SVEP1: variants seen among roughly 807,000 people sequenced by gnomAD.
The protein encoded by SVEP1 is sushi, von Willebrand factor type A, EGF and pentraxin domain containing 1.
A neutral mutation model predicts 367.3 loss-of-function variants in SVEP1; 164 were observed. The observed-to-expected ratio is 0.45, with a 90% CI of 0.39 to 0.51. The LOEUF (loss-of-function observed/expected upper bound fraction) is 0.51, where lower values mean the gene tolerates loss of function less well. SVEP1 is among the 20% of genes least tolerant of loss of function. SVEP1 has a pLI of 0.00. For synonymous variants in SVEP1, 1,666 were observed against 1,611.6 expected (o/e 1.03, Z -0.81); for missense variants, 4,117 against 4,425.3 (o/e 0.93, Z 1.98).
chr9:110,459,883 T>C (rs1588064295), intron 18 of SVEP1, among the ~76,000 whole-genome samples: 1 of 152,228 alleles, frequency 6.6e-6, no homozygotes, highest in East Asian at 1.9e-4. Flanking sequence ...AGAAATTTTA[T>C]TTCTCCTGAA....
At chr9:110,538,817 C>T (rs1035086407) in intron 3 of SVEP1, among the ~76,000 whole-genome samples, 1 of 152,052 alleles carries the variant, frequency 6.6e-6, no homozygotes, top group Non-Finnish European at 1.5e-5. Flanking sequence ...AAATTCAGAA[C>T]AGCTGCAACT....
intron 27 of SVEP1, 135 bp from the exon 28 acceptor site, chr9:110,436,639 T>C (rs1277227681): frequency 1.9e-5 from 24 of 1,274,792 alleles, no homozygotes; most frequent in Non-Finnish European, 2.3e-5. Flanking sequence ...ATTCTGTAAA[T>C]TTACTGCAGG....
At chr9:110,537,163 T>C (rs1830089452) in intron 3 of SVEP1, among the ~76,000 whole-genome samples, 1 of 151,956 alleles carries the variant, frequency 6.6e-6, no homozygotes, top group African/African-American at 2.4e-5. Context: ...ACTCCAAGAA[T>C]TGAGTGACAT....
In SVEP1 at chr9:110,400,983, G is replaced by C; in HGVS notation, c.9693C>G (p.Phe3231Leu). 6.2e-7 allele frequency: 1 copy of C among 1,613,832 alleles called. No homozygotes were observed. The highest frequency in any genetic ancestry group is 8.5e-7 in the Non-Finnish European group (1 of 1,179,834). The change falls in exon 40 of 48, where the codon TTC (phenylalanine) becomes TTG (leucine). Residue 3231 changes from phenylalanine to leucine, a missense_variant. By Grantham distance (22) the Phe-to-Leu change is conservative. Coordinates refer to ENST00000374469, the MANE Select transcript of SVEP1 (RefSeq NM_153366.4). ...AAACTGGACTGCAAGATTCATCGGAGAATGGTGGCTCCCAGGTTCCATCAA... is the reference window on the plus strand; with the variant it reads ...AAACTGGACTGCAAGATTCATCGGACAATGGTGGCTCCCAGGTTCCATCAA... ...CQLDGTWEPP[F>L]SDESCSPVSC...
chr9:110,579,598 G>A lies in SVEP1; in HGVS notation c.-55C>T. ...GCGCAGGCGGCGGCTCGGGCGGGAA[G>A]AGGCGCTGGGCGGCCGGACTCGCAG... On this transcript the variant is annotated 5_prime_UTR_variant, in exon 1 of 48. Coordinates refer to ENST00000374469, the MANE Select transcript of SVEP1 (RefSeq NM_153366.4). The surrounding 1 kb of genome is among the most constrained non-coding windows in gnomAD (Gnocchi z 5.3). 6.7e-7 allele frequency: 1 copy of A among 1,490,946 alleles called. No individual in the cohort carries two copies. Among genetic ancestry groups the A allele is most frequent in the East Asian group, 2.7e-5 (1 of 37,428 alleles). 92.4% of individuals were successfully genotyped at this position (1,490,946 alleles called of 1,614,324 possible).
intron 9 of SVEP1, among the ~76,000 whole-genome samples, chr9:110,488,286 G>A (rs577194201): frequency 5.9e-5 from 9 of 152,266 alleles, no homozygotes; most frequent in African/African-American, 1.9e-4. Flanking sequence ...GAGGCTTTCA[G>A]AGTCCAGTTT....
intron 9 of SVEP1, among the ~76,000 whole-genome samples, chr9:110,487,430 C>T (rs151121263): frequency 7.8e-4 from 119 of 152,288 alleles, no homozygotes; most frequent in African/African-American, 2.7e-3. Context: ...ACATATTTTT[C>T]ATGCAAATGG....
intron 18 of SVEP1, among the ~76,000 whole-genome samples, chr9:110,461,892 A>T (rs1828863531): frequency 6.6e-6 from 1 of 152,218 alleles, no homozygotes; most frequent in Non-Finnish European, 1.5e-5. Flanking sequence ...TCAGAGTGCT[A>T]GGTAGAGCTC....
At chr9:110,564,306 T>C (rs1189176868) in intron 1 of SVEP1, among the ~76,000 whole-genome samples, 2 of 152,176 alleles carry the variant, frequency 1.3e-5, no homozygotes, top group Non-Finnish European at 2.9e-5. Context: ...TTCAAAGCTG[T>C]TAGAAAAGAA....
At chr9:110,510,736 G>A (rs1829697744) in intron 5 of SVEP1, among the ~76,000 whole-genome samples, 1 of 152,232 alleles carries the variant, frequency 6.6e-6, no homozygotes, top group African/African-American at 2.4e-5. Context: ...AGGCTACTGA[G>A]TGGCAAGTTA....
intron 5 of SVEP1, among the ~76,000 whole-genome samples, chr9:110,511,847 C>T (rs144545755): frequency 5.7e-4 from 87 of 152,068 alleles, no homozygotes; most frequent in African/African-American, 2.0e-3. Context: ...CAAGAAAAGA[C>T]CAGAAGACAG....
chr9:110,423,143 A>G (rs868165484), intron 36 of SVEP1, among the ~76,000 whole-genome samples: 1 of 137,288 alleles, frequency 7.3e-6, no homozygotes, highest in African/African-American at 2.8e-5. Context: ...TAATAAAAAA[A>G]AAATAAAAAA....
Position 110,436,452 on chromosome 9 carries a change from GA to G in SVEP1, c.4691del (p.Phe1564SerfsTer11). On this transcript the variant is annotated frameshift_variant, in exon 28 of 48. Transcript: ENST00000374469. LOFTEE classifies it high-confidence loss of function. ...AGCCCACAAAAGACTCAGCTGGGCT[GA>G]ATCCCTCTCCTTTTTTGTCTTGCTC... ...GQEQDKKGEG[F>X]SPAESFVGSI... The G allele has an allele frequency of 6.2e-7, 1 of 1,613,948 alleles. No homozygotes were observed. The highest frequency in any genetic ancestry group is 8.5e-7 in the Non-Finnish European group (1 of 1,179,856).
At chr9:110,531,699 T>C (rs1396829590) in intron 3 of SVEP1, among the ~76,000 whole-genome samples, 1 of 152,166 alleles carries the variant, frequency 6.6e-6, no homozygotes, top group African/African-American at 2.4e-5. Flanking sequence ...CAGCCACCTA[T>C]GGTAGAAATA....
chr9:110,485,247 T>C (rs555712135), intron 9 of SVEP1, among the ~76,000 whole-genome samples: 1 of 152,340 alleles, frequency 6.6e-6, no homozygotes, highest in Admixed American at 6.5e-5. Context: ...TGGAATACTA[T>C]GCAGTCATAA....
chr9:110,557,608 AGAGTTGTG>A (rs1028022416), intron 1 of SVEP1, among the ~76,000 whole-genome samples: 2 of 152,068 alleles, frequency 1.3e-5, no homozygotes, highest in Admixed American at 6.5e-5. Flanking sequence ...GAAGCCAGAT[AGAGTTGTG>A]GATTTTTATT....
intron 36 of SVEP1, among the ~76,000 whole-genome samples, chr9:110,423,215 T>G (rs1412462851): frequency 1.4e-5 from 2 of 147,078 alleles, no homozygotes; most frequent in Non-Finnish European, 3.0e-5. Context: ...CAATGTAGAT[T>G]TGTATATTCA....
chr9:110,474,579 T>G (rs560796291), intron 14 of SVEP1, among the ~76,000 whole-genome samples: 1 of 152,302 alleles, frequency 6.6e-6, no homozygotes, highest in East Asian at 1.9e-4. Context: ...TGATGACAAC[T>G]GACTCTCTCT....
intron 21 of SVEP1, 147 bp from the exon 22 acceptor site, chr9:110,455,850 A>G (rs1374940134): frequency 2.0e-6 from 1 of 507,544 alleles, no homozygotes; most frequent in Non-Finnish European, 3.4e-6. Flanking sequence ...GCTACCATCT[A>G]TTAAGTATTT....
Sources: gnomAD v4.1 joint callset for allele counts (sites outside exome capture counted in the v4.1 genomes callset) on GRCh38, gnomAD v4.1.1 for gene constraint, Gnocchi (gnomAD v3.1) non-coding constraint, MANE v1.5 for transcripts, NCBI Gene and HGNC (gene_info 2026-07-23, HGNC 2026-07-21) for gene names.